The following AFF3 variants were observed in gnomAD, a reference collection of about 807,000 sequenced individuals.
AFF3 encodes the protein ALF transcription elongation factor 3.
Under a neutral mutation model 129.7 loss-of-function variants are expected in AFF3, and 32 were observed. The observed-to-expected ratio is 0.25, with a 90% CI of 0.19 to 0.33. The LOEUF (loss-of-function observed/expected upper bound fraction) is 0.33. Among genes scored for constraint, AFF3 ranks in the 10% least tolerant of loss-of-function variants. AFF3 has a pLI of 1.00. For missense variants in AFF3, 1,373 were observed against 1,592.0 expected, an observed-to-expected ratio of 0.86 and a Z score of 2.34; for synonymous variants, 644 against 635.4, an observed-to-expected ratio of 1.01 and a Z score of -0.20.
At chr2:99,602,655 T>C (rs990166990) in intron 13 of AFF3, among the ~76,000 whole-genome samples, 3 of 152,216 alleles carry the variant, frequency 2.0e-5, no homozygotes, top group Non-Finnish European at 4.4e-5. Context: ...CTCTTGTATG[T>C]TGAGTCAGCA....
chr2:99,555,074 T>C (rs779901167), intron 22 of AFF3, among the ~76,000 whole-genome samples: 10 of 152,232 alleles, frequency 6.6e-5, no homozygotes, highest in Non-Finnish European at 1.3e-4. Flanking sequence ...AGAAGTTATT[T>C]TGCATGGACA....
intron 13 of AFF3, among the ~76,000 whole-genome samples, chr2:99,635,455 G>A (rs1683565385): frequency 6.6e-6 from 1 of 152,100 alleles, no homozygotes; most frequent in African/African-American, 2.4e-5. Context: ...GTGCCACCAT[G>A]CTAATTTGTG....
intron 8 of AFF3, among the ~76,000 whole-genome samples, chr2:99,805,418 A>T (rs1214935466): frequency 6.6e-6 from 1 of 152,206 alleles, no homozygotes; most frequent in Non-Finnish European, 1.5e-5. Context: ...ATGACAAATC[A>T]GATGTGTTCT....
chr2:99,586,823 TAGG>T, intron 16 of AFF3, among the ~76,000 whole-genome samples: 1 of 152,290 alleles, frequency 6.6e-6, no homozygotes, highest in South Asian at 2.1e-4. Context: ...TTAGTGTTCT[TAGG>T]AGTTTAGCGG....
intron 10 of AFF3, among the ~76,000 whole-genome samples, chr2:99,737,534 T>C (rs1315798258): frequency 2.0e-5 from 3 of 152,132 alleles, no homozygotes; most frequent in Non-Finnish European, 4.4e-5. Context: ...AGGCTCCCAC[T>C]GATGCTGTTG....
chr2:99,742,350 A>C (rs1680787836), intron 10 of AFF3, among the ~76,000 whole-genome samples: 1 of 152,112 alleles, frequency 6.6e-6, no homozygotes, highest in Non-Finnish European at 1.5e-5. Context: ...TCTCAAGAAA[A>C]TGAAATTAAA....
chr2:100,110,764 G>T (rs1051483596), intron 2 of AFF3, among the ~76,000 whole-genome samples: 2 of 152,150 alleles, frequency 1.3e-5, no homozygotes, highest in East Asian at 1.9e-4. Context: ...GACACGGCTG[G>T]CTGCCCACCC....
chr2:99,835,792 A>T (rs1385489817), intron 8 of AFF3, among the ~76,000 whole-genome samples: 1 of 152,100 alleles, frequency 6.6e-6, no homozygotes, highest in African/African-American at 2.4e-5. Context: ...TTGCATATGG[A>T]CACAAATCTG....
At chr2:100,127,322 C>T (rs2105576281) in intron 2 of AFF3, among the ~76,000 whole-genome samples, 1 of 152,318 alleles carries the variant, frequency 6.6e-6, no homozygotes, top group East Asian at 1.9e-4. Flanking sequence ...TCCATTGTCT[C>T]ATCTGATTCT....
At chr2:99,926,325 C>T (rs553203937) in intron 7 of AFF3, among the ~76,000 whole-genome samples, 55 of 152,334 alleles carry the variant, frequency 3.6e-4, no homozygotes, top group African/African-American at 1.3e-3. Flanking sequence ...TAAGCATGCA[C>T]ACCCGAGTAC....
chr2:100,088,897 T>G (rs1190280229), intron 4 of AFF3, among the ~76,000 whole-genome samples: 1 of 152,268 alleles, frequency 6.6e-6, no homozygotes, highest in African/African-American at 2.4e-5. Context: ...GACTGTTTCC[T>G]TCTTCATTTT....
chr2:99,787,193 C>T (rs540242542), intron 8 of AFF3, among the ~76,000 whole-genome samples: 1 of 152,268 alleles, frequency 6.6e-6, no homozygotes, highest in South Asian at 2.1e-4. Context: ...CTGGCTCACA[C>T]CCCACTCACT....
At chr2:99,568,406 G>C (rs1676170915) in intron 19 of AFF3, among the ~76,000 whole-genome samples, 1 of 152,198 alleles carries the variant, frequency 6.6e-6, no homozygotes, top group South Asian at 2.1e-4. Context: ...GCAGATAATA[G>C]TTTCTGTGTT....
chr2:99,878,337 G>A (rs1692452103), intron 7 of AFF3, among the ~76,000 whole-genome samples: 1 of 152,138 alleles, frequency 6.6e-6, no homozygotes, highest in Non-Finnish European at 1.5e-5. Context: ...GCTCTTCCCT[G>A]CCTGATTAGA....
chr2:99,852,813 C>G (rs987958053), intron 7 of AFF3, among the ~76,000 whole-genome samples: 3 of 152,094 alleles, frequency 2.0e-5, no homozygotes, highest in African/African-American at 7.2e-5. Context: ...ACTTTTAGTC[C>G]TTTGGATGGA....
chr2:100,105,902 C>G, intron 2 of AFF3: 2 of 1,331,098 alleles, frequency 1.5e-6, no homozygotes, highest in Non-Finnish European at 2.0e-6. Flanking sequence ...AAAAGGGAGT[C>G]CCTTCCAGCA....
At chr2:99,867,930 G>C (rs1691555633) in intron 7 of AFF3, among the ~76,000 whole-genome samples, 1 of 152,216 alleles carries the variant, frequency 6.6e-6, no homozygotes, top group South Asian at 2.1e-4. Context: ...CCCTGGGCGA[G>C]GCGGGCACGT....
At chr2:99,624,839 G>GTTCTCGT (rs1228153329) in intron 13 of AFF3, among the ~76,000 whole-genome samples, 1 of 152,240 alleles carries the variant, frequency 6.6e-6, no homozygotes, top group Non-Finnish European at 1.5e-5. Flanking sequence ...GCAGTCTCGT[G>GTTCTCGT]TCTGCCCTCC....
intron 4 of AFF3, among the ~76,000 whole-genome samples, chr2:100,083,809 T>C (rs1689209449): frequency 6.6e-6 from 1 of 151,600 alleles, no homozygotes; most frequent in African/African-American, 2.4e-5. Context: ...GGAGGAAGAA[T>C]GGAGGGGGTG....
Sources: allele counts gnomAD v4.1 joint callset (sites outside exome capture counted in the v4.1 genomes callset), GRCh38; gene constraint gnomAD v4.1.1; transcripts MANE v1.5; gene names NCBI Gene and HGNC (gene_info 2026-07-23, HGNC 2026-07-21).